The following ROBO1 variants were observed in gnomAD, a reference collection of about 807,000 sequenced individuals.
The protein encoded by ROBO1 is roundabout guidance receptor 1.
ROBO1 carries 149 observed loss-of-function variants against 195.9 expected under a neutral mutation model. The observed-to-expected ratio is 0.76, with a 90% CI of 0.67 to 0.87. ROBO1 has a LOEUF of 0.87. Among genes scored for constraint, ROBO1 ranks in the 40% least tolerant of loss-of-function variants. The pLI is 0.00. For synonymous variants in ROBO1, 816 were observed against 733.2 expected, an observed-to-expected ratio of 1.11 and a Z score of -1.82; for missense variants, 1,933 against 2,068.3, an observed-to-expected ratio of 0.93 and a Z score of 1.27.
chr3:79,590,378 T>C (rs1337916661), intron 1 of ROBO1, among the ~76,000 whole-genome samples: 2 of 151,746 alleles, frequency 1.3e-5, no homozygotes, highest in African/African-American at 2.4e-5. Flanking sequence ...TTTGGTGATA[T>C]AGCAGAAAAA....
chr3:79,619,987 G>A (rs1037276694), intron 1 of ROBO1, among the ~76,000 whole-genome samples: 15 of 152,120 alleles, frequency 9.9e-5, no homozygotes, highest in Non-Finnish European at 1.8e-4. Flanking sequence ...CCTCCACTGT[G>A]AGAGAAACCC....
chr3:78,749,763 T>G (rs2082741919), intron 4 of ROBO1, among the ~76,000 whole-genome samples: 2 of 152,284 alleles, frequency 1.3e-5, no homozygotes, highest in Non-Finnish European at 2.9e-5. Context: ...ACCAAAAGCA[T>G]CCATAAGTAT....
chr3:79,208,405 G>C (rs1183376832), intron 2 of ROBO1, among the ~76,000 whole-genome samples: 1 of 152,186 alleles, frequency 6.6e-6, no homozygotes, highest in Non-Finnish European at 1.5e-5. Context: ...GCCATCAAGG[G>C]CTTATTTGGC....
chr3:78,720,660 C>T (rs1004467274), intron 5 of ROBO1, among the ~76,000 whole-genome samples: 1 of 152,160 alleles, frequency 6.6e-6, no homozygotes, highest in African/African-American at 2.4e-5. Flanking sequence ...TTTATTATGG[C>T]ACTATTCACA....
chr3:78,681,596 C>T (rs186149646), intron 10 of ROBO1, among the ~76,000 whole-genome samples: 1 of 152,242 alleles, frequency 6.6e-6, no homozygotes, highest in East Asian at 1.9e-4. Context: ...GTGGAAACAA[C>T]GTGCAGAAGA....
At chr3:79,378,636 T>C (rs1158085321) in intron 2 of ROBO1, among the ~76,000 whole-genome samples, 1 of 152,260 alleles carries the variant, frequency 6.6e-6, no homozygotes, top group African/African-American at 2.4e-5. Context: ...TTCTTGAAAC[T>C]AAGTATAGGC....
chr3:79,018,369 G>A (rs922150817), intron 3 of ROBO1: 21 of 1,612,816 alleles, frequency 1.3e-5, no homozygotes, highest in Non-Finnish European at 1.6e-5. Context: ...GGGGCGAACA[G>A]GGAGGATCAA....
intron 2 of ROBO1, among the ~76,000 whole-genome samples, chr3:79,531,248 T>C (rs919482504): frequency 2.6e-5 from 4 of 152,170 alleles, no homozygotes; most frequent in African/African-American, 9.7e-5. Flanking sequence ...GCTCAATAAA[T>C]ATACTGAGCA....
intron 2 of ROBO1, among the ~76,000 whole-genome samples, chr3:79,328,909 C>T (rs529421652): frequency 6.6e-6 from 1 of 152,172 alleles, no homozygotes; most frequent in African/African-American, 2.4e-5. Flanking sequence ...GGTTTCCATT[C>T]CTGAGTTACT....
intron 2 of ROBO1, among the ~76,000 whole-genome samples, chr3:79,185,246 G>A (rs985177326): frequency 6.6e-6 from 1 of 152,078 alleles, no homozygotes; most frequent in Non-Finnish European, 1.5e-5. Flanking sequence ...ATCTCTCCAG[G>A]TGTCTTTGAG....
chr3:79,629,553 A>G (rs548088828), intron 1 of ROBO1, among the ~76,000 whole-genome samples: 2 of 152,136 alleles, frequency 1.3e-5, no homozygotes, highest in Non-Finnish European at 2.9e-5. Context: ...AATATCTCAA[A>G]TTAACAAACC....
At chr3:79,712,136 A>C (rs1702302685) in intron 1 of ROBO1, among the ~76,000 whole-genome samples, 1 of 152,156 alleles carries the variant, frequency 6.6e-6, no homozygotes, top group African/African-American at 2.4e-5. Flanking sequence ...TTTAAGTGAA[A>C]GGAAGAGTTG....
rs1357585091 is a variant in ROBO1 at position 79,137,266 on chromosome 3, A to G, written c.89-11727T>C. 2.6e-5 allele frequency among the ~76,000 whole-genome samples: 4 copies of G among 152,070 alleles called. No individual in the cohort carries two copies. The South Asian group carries it at 8.3e-4, about 31-fold the overall frequency. On this transcript the variant is annotated intron_variant, in intron 2 of 30. Coordinates refer to ENST00000464233, the MANE Select transcript of ROBO1 (RefSeq NM_002941.4). ...CAAAATTTGAAAACGTTGTCTTCCA[A>G]TAGTTTTGGGAAAAGAAAAAAAGTC...
At chr3:78,887,313 A>C (rs908209105) in intron 4 of ROBO1, among the ~76,000 whole-genome samples, 5 of 152,210 alleles carry the variant, frequency 3.3e-5, no homozygotes, top group African/African-American at 1.2e-4. Context: ...GGCTGTTGAG[A>C]GGACTGGATG....
chr3:79,420,626 A>G (rs113700147), intron 2 of ROBO1, among the ~76,000 whole-genome samples: 31 of 152,260 alleles, frequency 2.0e-4, no homozygotes, highest in African/African-American at 7.5e-4. Flanking sequence ...GCACTACTTG[A>G]ATCTGAGTTA....
intron 2 of ROBO1, among the ~76,000 whole-genome samples, chr3:79,165,810 T>C (rs1483126222): frequency 6.6e-6 from 1 of 152,224 alleles, no homozygotes; most frequent in Non-Finnish European, 1.5e-5. Context: ...CCAATACTAA[T>C]CTGGGAGTTG....
intron 1 of ROBO1, among the ~76,000 whole-genome samples, chr3:79,657,818 G>T (rs1946212569): frequency 6.6e-6 from 1 of 151,976 alleles, no homozygotes; most frequent in South Asian, 2.1e-4. Context: ...TTGGTGTTTT[G>T]CTGCTTGAAA....
intron 3 of ROBO1, among the ~76,000 whole-genome samples, chr3:79,064,589 T>C (rs1377064863): frequency 6.6e-6 from 1 of 151,938 alleles, no homozygotes; most frequent in East Asian, 1.9e-4. Flanking sequence ...CTGGAACTCC[T>C]GGGCTCAAGT....
intron 3 of ROBO1, among the ~76,000 whole-genome samples, chr3:79,072,651 T>C (rs1275332231): frequency 6.6e-6 from 1 of 151,980 alleles, no homozygotes; most frequent in Non-Finnish European, 1.5e-5. Context: ...CACTCAATAT[T>C]GACAATTATT....
Sources: gnomAD v4.1 joint callset for allele counts (sites outside exome capture counted in the v4.1 genomes callset) on GRCh38, gnomAD v4.1.1 for gene constraint, MANE v1.5 for transcripts, NCBI Gene and HGNC (gene_info 2026-07-23, HGNC 2026-07-21) for gene names.